USP7: variants seen among roughly 807,000 people sequenced by gnomAD.
USP7 encodes ubiquitin C-terminal hydrolase 7.
Under a neutral mutation model 162.9 loss-of-function variants are expected in USP7, and 9 were observed. The observed-to-expected ratio is 0.06, with a 90% CI of 0.03 to 0.10. USP7 has a LOEUF of 0.10. Ranked by LOEUF, USP7 falls within the 10% of genes least tolerant of loss-of-function variation. The pLI is 1.00. For missense variants in USP7, 715 were observed against 1,373.7 expected (o/e 0.52, Z 7.58); for synonymous variants, 562 against 475.9 (o/e 1.18, Z -2.35).
intron 27 of USP7, 118 bp from the exon 28 acceptor site, chr16:8,895,268 A>C (rs1014712706): frequency 2.7e-6 from 4 of 1,492,102 alleles, no homozygotes; most frequent in Non-Finnish European, 3.6e-6. Flanking sequence ...TGCTAAAAAA[A>C]CGCCACACCT....
intron 1 of USP7, among the ~76,000 whole-genome samples, chr16:8,959,797 G>C (rs1899938530): frequency 6.6e-6 from 1 of 152,078 alleles, no homozygotes; most frequent in Non-Finnish European, 1.5e-5. Flanking sequence ...CACAAGTTTG[G>C]AAGAAACCCA....
chr16:8,925,546 G>GAGTAC (rs1000152812), intron 2 of USP7, among the ~76,000 whole-genome samples: 1 of 152,118 alleles, frequency 6.6e-6, no homozygotes, highest in African/African-American at 2.4e-5. Flanking sequence ...AATTTTCCAA[G>GAGTAC]GTACTCCTTA....
intron 1 of USP7, chr16:8,936,823 T>C (rs1898764269): frequency 1.8e-6 from 2 of 1,102,422 alleles, no homozygotes; most frequent in Non-Finnish European, 2.3e-6. Flanking sequence ...AGGATATTAA[T>C]GGAAAAACTG....
intron 1 of USP7, among the ~76,000 whole-genome samples, chr16:8,962,068 G>C (rs189239024): frequency 1.5e-3 from 224 of 152,282 alleles, no homozygotes; most frequent in African/African-American, 5.0e-3. Context: ...TCACGCTTAA[G>C]TGTTCCCACC....
chr16:8,963,102 G>A (rs1345068518), intron 1 of USP7, 105 bp downstream of exon 1: 20 of 1,072,418 alleles, frequency 1.9e-5, no homozygotes, highest in East Asian at 5.0e-5. Flanking sequence ...GCGGCCGCCC[G>A]GGGCCTGGTT....
In USP7 at chr16:8,951,381, A is replaced by G. The variant is rs1899540619; in HGVS notation, c.79+11826T>C. Among the ~76,000 whole-genome samples, 3 of 119,410 alleles carry G rather than the reference A, an allele frequency of 2.5e-5. No individual in the cohort carries two copies. The Admixed American group carries it at 2.6e-4, about 10-fold the overall frequency. The allele number at this position is 119,410 out of a possible 152,430, so 78.3% of individuals were successfully genotyped here. ...CCTTGTGAAAGCTGTCATCTTAAAG[A>G]AACTAGGTGATTTAGGCAACAGGAA... On this transcript the variant is annotated intron_variant, in intron 1 of 30. Coordinates refer to ENST00000344836, the MANE Select transcript of USP7 (RefSeq NM_003470.3).
intron 3 of USP7, 79 bp downstream of exon 3, chr16:8,923,136 G>T: frequency 1.3e-6 from 1 of 790,364 alleles, no homozygotes; most frequent in Non-Finnish European, 1.8e-6. Flanking sequence ...AAAAGGCTAT[G>T]TAGAGGCAGC....
chr16:8,936,065 G>A (rs1277520275), intron 1 of USP7, among the ~76,000 whole-genome samples: 2 of 152,114 alleles, frequency 1.3e-5, no homozygotes, highest in African/African-American at 2.4e-5. Flanking sequence ...GGCGGGGGTC[G>A]CGAACACAAT....
chr16:8,923,501 C>T, intron 2 of USP7, 88 bp from the exon 3 acceptor site: 1 of 1,389,678 alleles, frequency 7.2e-7, no homozygotes, highest in South Asian at 1.3e-5. Flanking sequence ...CTGTTCTATA[C>T]ATCCTGATTT....
At chr16:8,903,445 C>A (rs1567211620) in intron 15 of USP7, 43 bp from the exon 16 acceptor site, 10 of 1,588,248 alleles carry the variant, frequency 6.3e-6, no homozygotes, top group Admixed American at 5.4e-5. Flanking sequence ...TGACAACTGA[C>A]AAAAAATGAG....
At chr16:8,934,867 G>A (rs1320302322) in intron 1 of USP7, among the ~76,000 whole-genome samples, 1 of 152,176 alleles carries the variant, frequency 6.6e-6, no homozygotes, top group Non-Finnish European at 1.5e-5. Context: ...AGCTCCCAGG[G>A]GCAGGAGATC....
chr16:8,921,125 C>A, intron 4 of USP7, 32 bp downstream of exon 4: 1 of 1,608,238 alleles, frequency 6.2e-7, no homozygotes, highest in South Asian at 1.1e-5. Context: ...AGTAATGCAC[C>A]AATTGTTCAG....
chr16:8,952,693 AG>A (rs1899610616), intron 1 of USP7, among the ~76,000 whole-genome samples: 1 of 152,208 alleles, frequency 6.6e-6, no homozygotes, highest in African/African-American at 2.4e-5. Context: ...TAACATTTGC[AG>A]GTTTCAGCGA....
chr16:8,916,409 T>G lies in USP7; in HGVS notation c.906+93A>C, dbSNP rs971629672. 4.8e-6 allele frequency: 3 copies of G among 630,322 alleles called. No homozygotes were observed. In the African/African-American group the frequency reaches 8.0e-5, roughly 17 times the overall value. 39.0% of individuals were successfully genotyped at this position (630,322 alleles called of 1,614,324 possible). On this transcript the variant is annotated intron_variant, in intron 8 of 30. Transcript: ENST00000344836. The stretch of plus-strand genomic sequence containing the variant: ...ATCCTAAACAAAGATGGGCATTTTC[T>G]GAATTAGGTCTGAGGTTTTACTTGG...
intron 1 of USP7, among the ~76,000 whole-genome samples, chr16:8,942,089 G>GC (rs1899070933): frequency 6.6e-6 from 1 of 152,226 alleles, no homozygotes; most frequent in Non-Finnish European, 1.5e-5. Context: ...AGAGCAAACC[G>GC]CAACAGGAAC....
intron 1 of USP7, among the ~76,000 whole-genome samples, chr16:8,945,549 T>C (rs982698557): frequency 1.3e-5 from 2 of 152,176 alleles, no homozygotes; most frequent in African/African-American, 2.4e-5. Flanking sequence ...CTGTGAATGC[T>C]AGCCATTCAT....
intron 1 of USP7, among the ~76,000 whole-genome samples, chr16:8,932,800 G>A (rs1272882967): frequency 6.6e-6 from 1 of 152,046 alleles, no homozygotes; most frequent in Non-Finnish European, 1.5e-5. Flanking sequence ...GGACAAAGCA[G>A]GATAGTGCCT....
At chr16:8,946,413 T>A (rs78665874) in intron 1 of USP7, among the ~76,000 whole-genome samples, 7,129 of 152,160 alleles carry the variant, frequency 0.047, 228 homozygotes, top group Middle Eastern at 0.14. Context: ...AAACCGCATC[T>A]CTAAATAAAG....
chr16:8,918,557 C>A (rs1022097279), intron 6 of USP7, among the ~76,000 whole-genome samples: 1 of 152,184 alleles, frequency 6.6e-6, no homozygotes, highest in African/African-American at 2.4e-5. Context: ...TGCCTATAAT[C>A]TGAGCCCCTT....
Sources: gnomAD v4.1 joint callset for allele counts (sites outside exome capture counted in the v4.1 genomes callset) on GRCh38, gnomAD v4.1.1 for gene constraint, MANE v1.5 for transcripts, NCBI Gene and HGNC (gene_info 2026-07-23, HGNC 2026-07-21) for gene names.